PPM1L: variants seen among roughly 807,000 people sequenced by gnomAD.
PPM1L encodes protein phosphatase, Mg2+/Mn2+ dependent 1L.
A neutral mutation model predicts 31.4 loss-of-function variants in PPM1L; 13 were observed. That is an observed-to-expected ratio of 0.41 (90% CI 0.27 to 0.66). PPM1L has a LOEUF of 0.66. Ranked by LOEUF, PPM1L falls within the 30% of genes least tolerant of loss-of-function variation. The pLI, the probability that PPM1L is intolerant of heterozygous loss-of-function variation, is 0.29. For synonymous variants in PPM1L, 184 were observed against 175.4 expected, an observed-to-expected ratio of 1.05 and a Z score of -0.39; for missense variants, 326 against 453.7, an observed-to-expected ratio of 0.72 and a Z score of 2.56.
At chr3:161,017,366 A>G (rs748329869) in intron 2 of PPM1L, among the ~76,000 whole-genome samples, 2 of 152,186 alleles carry the variant, frequency 1.3e-5, no homozygotes, top group Non-Finnish European at 2.9e-5. Flanking sequence ...GTTTAGACCA[A>G]TTATGGAGTC....
intron 1 of PPM1L, among the ~76,000 whole-genome samples, chr3:160,924,966 T>G (rs1714537290): frequency 1.3e-5 from 2 of 152,256 alleles, no homozygotes; most frequent in Admixed American, 1.3e-4. Context: ...TGCTAGAGGT[T>G]CATTTTTTGC....
At chr3:160,789,968 A>G (rs1576638687) in intron 1 of PPM1L, among the ~76,000 whole-genome samples, 1 of 152,152 alleles carries the variant, frequency 6.6e-6, no homozygotes, top group African/African-American at 2.4e-5. Context: ...TATACTTTAA[A>G]TCATCTCTAG....
intron 1 of PPM1L, among the ~76,000 whole-genome samples, chr3:160,928,416 G>A (rs1714672268): frequency 6.6e-6 from 1 of 152,176 alleles, no homozygotes; most frequent in Admixed American, 6.5e-5. Flanking sequence ...GCCAACTAGA[G>A]TCTTCCTGTG....
In PPM1L at chr3:160,869,025, G is replaced by A. The variant is rs151030498; in HGVS notation, c.400-92711G>A. The stretch of plus-strand genomic sequence containing the variant: ...TTCTGGAATTGTGCTTTGATCAGGT[G>A]TATAAGGACTCTGAACCAGGAATGC... On this transcript the variant is annotated intron_variant, in intron 1 of 3. Transcript: ENST00000498165. Among the ~76,000 whole-genome samples the A allele has an allele frequency of 4.5e-3, 678 of 152,306 alleles. 4 individuals carry two copies. Among genetic ancestry groups the A allele is most frequent in the African/African-American group, 0.016 (650 of 41,576 alleles).
At chr3:161,045,476 A>T (rs1719032166) in intron 2 of PPM1L, among the ~76,000 whole-genome samples, 1 of 152,230 alleles carries the variant, frequency 6.6e-6, no homozygotes, top group South Asian at 2.1e-4. Flanking sequence ...CTTAATCAAA[A>T]CCGTTCAACT....
At chr3:160,987,525 A>G (rs936349013) in intron 2 of PPM1L, among the ~76,000 whole-genome samples, 2 of 152,242 alleles carry the variant, frequency 1.3e-5, no homozygotes, top group African/African-American at 4.8e-5. Context: ...GCATCAGTGT[A>G]TATACAGGGA....
intron 2 of PPM1L, among the ~76,000 whole-genome samples, chr3:160,964,067 C>A (rs1332345447): frequency 2.0e-5 from 3 of 151,862 alleles, no homozygotes; most frequent in African/African-American, 7.3e-5. Flanking sequence ...TTGGGGAAGT[C>A]CTTAGAGATC....
intron 1 of PPM1L, among the ~76,000 whole-genome samples, chr3:160,940,087 G>A (rs141762394): frequency 1.3e-5 from 2 of 152,280 alleles, no homozygotes; most frequent in African/African-American, 4.8e-5. Flanking sequence ...AGAGACTGGT[G>A]GCATTTTGCC....
chr3:161,037,303 A>G (rs1348434415), intron 2 of PPM1L, among the ~76,000 whole-genome samples: 14 of 152,142 alleles, frequency 9.2e-5, no homozygotes. Context: ...CTGCCATGTC[A>G]TGAAGAGATG....
chr3:160,837,052 C>A (rs1347711795), intron 1 of PPM1L, among the ~76,000 whole-genome samples: 1 of 152,032 alleles, frequency 6.6e-6, no homozygotes, highest in Non-Finnish European at 1.5e-5. Context: ...CTTTGATTGC[C>A]CCCCTGCTGT....
chr3:160,891,976 TCA>T (rs1010063847), intron 1 of PPM1L, among the ~76,000 whole-genome samples: 1 of 151,772 alleles, frequency 6.6e-6, no homozygotes, highest in African/African-American at 2.4e-5. Flanking sequence ...GAGGGGAACA[TCA>T]CACACCGGGG....
chr3:160,949,061 G>A (rs1469147356), intron 1 of PPM1L, among the ~76,000 whole-genome samples: 2 of 152,152 alleles, frequency 1.3e-5, no homozygotes, highest in African/African-American at 4.8e-5. Flanking sequence ...CCATGAATCT[G>A]CGTTTTTAAA....
chr3:161,034,257 G>T (rs1718669776), intron 2 of PPM1L, among the ~76,000 whole-genome samples: 1 of 152,190 alleles, frequency 6.6e-6, no homozygotes, highest in South Asian at 2.1e-4. Flanking sequence ...GCGTAAATTA[G>T]TTCAGCCATT....
intron 1 of PPM1L, among the ~76,000 whole-genome samples, chr3:160,786,187 G>GTATA (rs1190262298): frequency 0.012 from 479 of 39,418 alleles, 16 homozygotes; most frequent in Middle Eastern, 0.023. Flanking sequence ...GTGTGTGTGT[G>GTATA]TATATATATA....
chr3:160,850,743 A>G (rs1416128243), intron 1 of PPM1L, among the ~76,000 whole-genome samples: 1 of 152,040 alleles, frequency 6.6e-6, no homozygotes, highest in Non-Finnish European at 1.5e-5. Flanking sequence ...GGCAATTACC[A>G]TTTTCTCCTG....
intron 2 of PPM1L, 38 bp downstream of exon 2, chr3:160,961,948 C>A: frequency 6.7e-7 from 1 of 1,485,840 alleles, no homozygotes; most frequent in Non-Finnish European, 9.0e-7. Flanking sequence ...TTTTTCCTTG[C>A]AAAAAAAATT....
intron 1 of PPM1L, among the ~76,000 whole-genome samples, chr3:160,778,232 T>A (rs1576632970): frequency 6.6e-6 from 1 of 152,150 alleles, no homozygotes; most frequent in African/African-American, 2.4e-5. Flanking sequence ...AAATTAGTTT[T>A]TTTTTGTCAT....
chr3:160,894,946 C>T (rs1713284903), intron 1 of PPM1L, among the ~76,000 whole-genome samples: 1 of 152,048 alleles, frequency 6.6e-6, no homozygotes, highest in South Asian at 2.1e-4. Context: ...TTCCTTTTTA[C>T]TGAGTTATAT....
At chr3:160,973,641 A>G (rs1345068039) in intron 2 of PPM1L, among the ~76,000 whole-genome samples, 1 of 152,138 alleles carries the variant, frequency 6.6e-6, no homozygotes, top group East Asian at 1.9e-4. Flanking sequence ...CAGACTCTGA[A>G]GATATGTAAT....
Sources: allele counts gnomAD v4.1 joint callset (sites outside exome capture counted in the v4.1 genomes callset), GRCh38; gene constraint gnomAD v4.1.1; transcripts MANE v1.5; gene names NCBI Gene and HGNC (gene_info 2026-07-23, HGNC 2026-07-21).